The following ITIH3 variants were observed in gnomAD, a reference collection of about 807,000 sequenced individuals.
ITIH3 encodes the protein inter-alpha-trypsin inhibitor heavy chain 3.
In ITIH3, 81 loss-of-function variants were observed where a neutral mutation model predicts 96.5. The observed-to-expected ratio is 0.84, with a 90% CI of 0.70 to 1.01. The LOEUF is 1.01. ITIH3 is among the 50% of genes least tolerant of loss of function. ITIH3 has a pLI of 0.00. For synonymous variants in ITIH3, 422 were observed against 445.2 expected (o/e 0.95, Z 0.66); for missense variants, 1,057 against 1,139.3 (o/e 0.93, Z 1.04).
chr3:52,806,533 C>A lies in ITIH3; in HGVS notation c.2056+127C>A, dbSNP rs972181147. 10 of 719,874 alleles carry A rather than the reference C, an allele frequency of 1.4e-5. No homozygotes were observed. The Admixed American group carries it at 2.7e-4, about 19-fold the overall frequency. 44.6% of individuals were successfully genotyped at this position (719,874 alleles called of 1,614,324 possible). A position where few individuals can be genotyped will look rare whatever the true frequency, so the allele number is the denominator to read the frequency against. On this transcript the variant is annotated intron_variant, in intron 18 of 21. Transcript: ENST00000449956. ...GGCATCATCTTCACATGCAAAGAAA[C>A]CCCTGGGGGTGGGGAGTGCCCAGGG... is the stretch of plus-strand genomic sequence containing the variant.
chr3:52,795,840 GC>G (rs1210940773), intron 2 of ITIH3: 1 of 544,970 alleles, frequency 1.8e-6, no homozygotes, highest in African/African-American at 1.9e-5. Context: ...GCCCAAGAGG[GC>G]CCCTCACAGG....
At chr3:52,804,081 G>A (rs1559473305) in intron 14 of ITIH3, 72 bp downstream of exon 14, 1 of 1,524,784 alleles carries the variant, frequency 6.6e-7, no homozygotes, top group Non-Finnish European at 8.9e-7. Context: ...GTCCAGTGGA[G>A]GAGTGGGCCA....
chr3:52,802,379 A>G lies in ITIH3; in HGVS notation c.1429A>G (p.Met477Val). The G allele has an allele frequency of 6.2e-7, 1 of 1,613,880 alleles. No individual in the cohort carries two copies. Among genetic ancestry groups the G allele is most frequent in the Non-Finnish European group, 8.5e-7 (1 of 1,179,874 alleles). Residue 477 changes from methionine to valine, a missense_variant, in exon 12 of 22, where the codon ATG (methionine) becomes GTG (valine). Coordinates refer to ENST00000449956, the MANE Select transcript of ITIH3 (RefSeq NM_002217.4). ...CAACCCACTGCTGACGGGTGTGGAGATGGAGTACCCCGAGAACGCTATCCT... is the reference window on the plus strand; with the variant it reads ...CAACCCACTGCTGACGGGTGTGGAGGTGGAGTACCCCGAGAACGCTATCCT... The part of the protein sequence containing the change: ...VANPLLTGVE[M>V]EYPENAILDL...
intron 20 of ITIH3, 91 bp from the exon 21 acceptor site, chr3:52,808,019 A>G (rs1293387127): frequency 1.9e-6 from 3 of 1,572,444 alleles, no homozygotes; most frequent in Middle Eastern, 1.7e-4. Context: ...ACAACACCCC[A>G]TTCAGCCTTT....
At chr3:52,803,002 G>C (rs979962680) in intron 13 of ITIH3, among the ~76,000 whole-genome samples, 196 bp downstream of exon 13, 1 of 152,212 alleles carries the variant, frequency 6.6e-6, no homozygotes, top group African/African-American at 2.4e-5. Flanking sequence ...CAAGTCCCCT[G>C]GCCAGCAGCC....
At chr3:52,804,124 C>T in intron 14 of ITIH3, 115 bp downstream of exon 14, 1 of 1,163,732 alleles carries the variant, frequency 8.6e-7, no homozygotes, top group South Asian at 1.5e-5. Flanking sequence ...TGAAGTAGGG[C>T]ATCTGAAGGA....
Position 52,799,050 on chromosome 3 carries a change from A to G in ITIH3, c.748A>G (p.Ile250Val). ...TDSLLNGDFT[I>V]TYDVNRESPG... ...CTCCCTCCTCAATGGAGATTTCACT[A>G]TCACCTATGACGTGAACAGAGAATC... The change falls in exon 7 of 22, where the codon ATC becomes GTC. Residue 250 changes from isoleucine to valine, a missense_variant. Ile to Val is a conservative substitution (Grantham distance 29). Transcript: ENST00000449956. 3.1e-6 allele frequency: 5 copies of G among 1,613,542 alleles called. No individual in the cohort carries two copies. Among genetic ancestry groups the G allele is most frequent in the Non-Finnish European group, 4.2e-6 (5 of 1,179,698 alleles).
intron 4 of ITIH3, 86 bp downstream of exon 4, chr3:52,796,929 T>C (rs1313718122): frequency 8.5e-7 from 1 of 1,176,890 alleles, no homozygotes; most frequent in Non-Finnish European, 1.2e-6. Context: ...GCTATTATTA[T>C]TGGTATAGCA....
At chr3:52,800,419 C>G in intron 9 of ITIH3, 119 bp from the exon 10 acceptor site, 10 of 1,198,236 alleles carry the variant, frequency 8.3e-6, no homozygotes, top group Non-Finnish European at 1.2e-5. Flanking sequence ...CATGGGCTGG[C>G]AGATAGGGTC....
Position 52,799,928 on chromosome 3 carries a change from G to A in ITIH3, c.1075+7G>A. ...AGCATGGAGGATAAAGGAAGTAAGA[G>A]CGGAGCTGGAGCCCACACACCTCCT... is the stretch of plus-strand genomic sequence containing the variant. On this transcript the variant is annotated splice_region_variant and intron_variant, in intron 9 of 21. Transcript: ENST00000449956. The A allele has an allele frequency of 1.9e-6, 3 of 1,612,520 alleles. No homozygotes were observed. Among genetic ancestry groups the A allele is most frequent in the Non-Finnish European group, 8.5e-7 (1 of 1,179,228 alleles).
intron 21 of ITIH3, 39 bp downstream of exon 21, chr3:52,808,260 C>A (rs761103635): frequency 1.3e-6 from 2 of 1,527,202 alleles, no homozygotes; most frequent in Admixed American, 1.7e-5. Flanking sequence ...TGCTCAGCAA[C>A]GAGAGGAGGA....
chr3:52,800,838 C>T, intron 10 of ITIH3, 127 bp from the exon 11 acceptor site: 6 of 1,468,520 alleles, frequency 4.1e-6, no homozygotes, highest in African/African-American at 1.4e-5. Flanking sequence ...CACCACCTGC[C>T]CCACAAGGGC....
rs758984412 is a variant in ITIH3 at position 52,807,871 on chromosome 3, G to A, written c.2386G>A (p.Val796Met). The change falls in exon 20 of 22, where the codon GTG (valine) becomes ATG (methionine). Residue 796 changes from valine (V) to methionine (M), a missense_variant. By Grantham distance (21) the Val-to-Met change is conservative. Transcript: ENST00000449956. ...CCACCGTGACTTTCTAGGCTTCTAC[G>A]TGGTGGACAGTCACCGGATGTCAGC... ...PVHRDFLGFY[V>M]VDSHRMSAQT... 30 of 1,612,350 alleles carry A rather than the reference G, an allele frequency of 1.9e-5. No homozygotes were observed. Among genetic ancestry groups the A allele is most frequent in the Non-Finnish European group, 2.3e-5 (27 of 1,179,288 alleles).
rs752186190 is a variant in ITIH3 at position 52,808,173 on chromosome 3, A to G, written c.2495A>G (p.Lys832Arg). Residue 832 changes from lysine (K) to arginine (R), a missense_variant, in exon 21 of 22, where the codon AAG becomes AGG. Lys to Arg is a conservative substitution (Grantham distance 26, BLOSUM62 2). Coordinates refer to ENST00000449956, the MANE Select transcript of ITIH3 (RefSeq NM_002217.4). ...ATCCGGCCAGGCTCTGACCCCACAA[A>G]GCCAGATGCCACATTGGTGGTGAAG... ...SDIRPGSDPT[K>R]PDATLVVKNH... The G allele has an allele frequency of 6.2e-7, 1 of 1,614,196 alleles. No homozygotes were observed.
rs1303925314 is a variant in ITIH3 at position 52,797,280 on chromosome 3, C to T, written c.549+13C>T. 1 of 1,594,474 alleles carries T rather than the reference C, an allele frequency of 6.3e-7. No individual in the cohort carries two copies. Among genetic ancestry groups the T allele is most frequent in the Non-Finnish European group, 8.5e-7 (1 of 1,169,632 alleles). Reference sequence around the variant, plus strand: ...CAAACACTTTGAGGTAATCAACCGCCCCTGCAGACCTGGGGGGACGGCAGC... The same window carrying T: ...CAAACACTTTGAGGTAATCAACCGCTCCTGCAGACCTGGGGGGACGGCAGC... On this transcript the variant is annotated intron_variant, in intron 5 of 21. Coordinates refer to ENST00000449956, the MANE Select transcript of ITIH3 (RefSeq NM_002217.4).
At chr3:52,800,734 C>G (rs992169906) in intron 10 of ITIH3, 71 bp downstream of exon 10, 2 of 1,560,496 alleles carry the variant, frequency 1.3e-6, no homozygotes, top group African/African-American at 2.7e-5. Context: ...CTGTAGCTGG[C>G]TCATTGGAAA....
At chr3:52,807,688 C>G in intron 19 of ITIH3, 59 bp from the exon 20 acceptor site, 1 of 1,540,742 alleles carries the variant, frequency 6.5e-7, no homozygotes, top group Non-Finnish European at 8.8e-7. Context: ...GCCCTTGAGT[C>G]AGATGCCCAG....
intron 15 of ITIH3, 52 bp from the exon 16 acceptor site, chr3:52,805,756 G>C (rs772003859): frequency 6.2e-7 from 1 of 1,611,158 alleles, no homozygotes; most frequent in Non-Finnish European, 8.5e-7. Flanking sequence ...GCACGGGGCT[G>C]GGGGAGAAGG....
At chr3:52,804,816 G>C in intron 15 of ITIH3, 82 bp downstream of exon 15, 1 of 1,487,856 alleles carries the variant, frequency 6.7e-7, no homozygotes, top group Admixed American at 1.9e-5. Context: ...AAGCAAGATA[G>C]GACCCCCAGC....
Sources: gnomAD v4.1 joint callset for allele counts (sites outside exome capture counted in the v4.1 genomes callset) on GRCh38, gnomAD v4.1.1 for gene constraint, MANE v1.5 for transcripts, NCBI Gene and HGNC (gene_info 2026-07-23, HGNC 2026-07-21) for gene names.